CFAP61: variants seen among roughly 807,000 people sequenced by gnomAD.
The protein encoded by CFAP61 is cilia and flagella associated protein 61.
A neutral mutation model predicts 135.6 loss-of-function variants in CFAP61; 107 were observed. The ratio of observed to expected loss-of-function variants is 0.79; its 90% confidence interval spans 0.67 to 0.93. The LOEUF (loss-of-function observed/expected upper bound fraction) is 0.93, where lower values mean the gene tolerates loss of function less well. Ranked by LOEUF, CFAP61 falls within the 40% of genes least tolerant of loss-of-function variation. CFAP61 has a pLI of 0.00. For synonymous variants in CFAP61, 575 were observed against 578.5 expected, an observed-to-expected ratio of 0.99 and a Z score of 0.09; for missense variants, 1,507 against 1,556.2, an observed-to-expected ratio of 0.97 and a Z score of 0.53.
chr20:20,132,997 C>A (rs2050657849), intron 8 of CFAP61, among the ~76,000 whole-genome samples: 1 of 151,976 alleles, frequency 6.6e-6, no homozygotes, highest in South Asian at 2.1e-4. Context: ...ATTTAATGTT[C>A]TTATGGGTTT....
At chr20:20,216,145 G>A (rs1023827667) in intron 17 of CFAP61, among the ~76,000 whole-genome samples, 3 of 152,188 alleles carry the variant, frequency 2.0e-5, no homozygotes, top group African/African-American at 7.2e-5. Flanking sequence ...TACTGTAAAT[G>A]TCAGTGGGTT....
chr20:20,266,888 C>T (rs2052786733), intron 21 of CFAP61, among the ~76,000 whole-genome samples: 1 of 152,164 alleles, frequency 6.6e-6, no homozygotes, highest in South Asian at 2.1e-4. Context: ...AATGAGATTA[C>T]ATGCCATACT....
chr20:20,291,913 C>T (rs993839070), intron 24 of CFAP61, among the ~76,000 whole-genome samples: 1 of 152,198 alleles, frequency 6.6e-6, no homozygotes, highest in African/African-American at 2.4e-5. Context: ...ACTTCCATTC[C>T]CATTTTCTTC....
chr20:20,142,575 T>G (rs1187785307), intron 8 of CFAP61, among the ~76,000 whole-genome samples: 1 of 152,180 alleles, frequency 6.6e-6, no homozygotes, highest in East Asian at 1.9e-4. Flanking sequence ...GCCAGGTCCG[T>G]TGCCCATCTT....
At chr20:20,318,567 C>A (rs953304965) in intron 25 of CFAP61, among the ~76,000 whole-genome samples, 2 of 152,152 alleles carry the variant, frequency 1.3e-5, no homozygotes, top group African/African-American at 4.8e-5. Context: ...GTCCCTGCTT[C>A]CTTCTCTGGG....
chr20:20,070,822 A>G (rs1248571409), intron 2 of CFAP61, 32 bp from the exon 3 acceptor site: 2 of 1,594,474 alleles, frequency 1.3e-6, no homozygotes, highest in Admixed American at 1.7e-5. Flanking sequence ...TTGTAATCTT[A>G]TTCATGTTTG....
At chr20:20,228,651 GT>G in intron 18 of CFAP61, 2 of 281,812 alleles carry the variant, frequency 7.1e-6, no homozygotes, top group Non-Finnish European at 1.4e-5. Flanking sequence ...GGCCATTTTT[GT>G]GCTACAATAG....
intron 22 of CFAP61, among the ~76,000 whole-genome samples, chr20:20,280,675 C>G (rs2054139009): frequency 6.6e-6 from 1 of 152,126 alleles, no homozygotes; most frequent in Non-Finnish European, 1.5e-5. Flanking sequence ...TATTTGCCTG[C>G]TATGCACATT....
intron 20 of CFAP61, among the ~76,000 whole-genome samples, chr20:20,254,829 A>G (rs1458520399): frequency 6.6e-6 from 1 of 152,228 alleles, no homozygotes; most frequent in Non-Finnish European, 1.5e-5. Context: ...CTCACTCTAA[A>G]TTGTTGTGTA....
rs145079369 is a variant in CFAP61, at chr20:20,212,067, T to G, written c.1932+12165T>G. Among the ~76,000 whole-genome samples the G allele has an allele frequency of 2.2e-3, 332 of 152,326 alleles. 2 individuals carry two copies. Among genetic ancestry groups the G allele is most frequent in the Non-Finnish European group, 3.5e-3 (241 of 68,028 alleles). Reference sequence around the variant, plus strand: ...AATTATATATCACAAGTCTTTTGATTTGTTTGCAGACAACATCGATCCCCA... The same window carrying G: ...AATTATATATCACAAGTCTTTTGATGTGTTTGCAGACAACATCGATCCCCA... On this transcript the variant is annotated intron_variant, in intron 17 of 26. Transcript: ENST00000245957.
chr20:20,271,854 G>A (rs916658057), intron 21 of CFAP61, among the ~76,000 whole-genome samples: 11 of 152,248 alleles, frequency 7.2e-5, no homozygotes, highest in African/African-American at 2.4e-4. Context: ...TCATCTGTTA[G>A]GTAAGCTGAT....
chr20:20,109,069 G>A (rs4814939), intron 8 of CFAP61, among the ~76,000 whole-genome samples: 14,795 of 152,086 alleles, frequency 0.097, 1,528 homozygotes, highest in East Asian at 0.6. Flanking sequence ...TTTGTAGAAC[G>A]TAATTTATTT....
intron 15 of CFAP61, among the ~76,000 whole-genome samples, chr20:20,194,761 C>T (rs918118838): frequency 1.3e-5 from 2 of 152,274 alleles, no homozygotes; most frequent in East Asian, 1.9e-4. Flanking sequence ...GAGTACCAGC[C>T]GGCAGGCAGG....
At chr20:20,060,521 CATT>C (rs1457884848) in intron 2 of CFAP61, among the ~76,000 whole-genome samples, 2 of 152,262 alleles carry the variant, frequency 1.3e-5, no homozygotes, top group East Asian at 1.9e-4. Context: ...AGGACAAAAA[CATT>C]ATATAAATTG....
Position 20,210,765 on chromosome 20 carries a change from C to T in CFAP61, c.1932+10863C>T, listed in dbSNP as rs115881051. On this transcript the variant is annotated intron_variant, in intron 17 of 26. Coordinates refer to ENST00000245957, the MANE Select transcript of CFAP61 (RefSeq NM_015585.4). ...ATAGAATAAAGTACAGTGTCATAAGCCTAACTTTCAGGCCTTTTTATTAAA... is the reference window on the plus strand; with the variant it reads ...ATAGAATAAAGTACAGTGTCATAAGTCTAACTTTCAGGCCTTTTTATTAAA... 7.9e-3 allele frequency among the ~76,000 whole-genome samples: 1,196 copies of T among 152,322 alleles called. 23 individuals are homozygous for T. The highest frequency in any genetic ancestry group is 0.027 in the African/African-American group (1,141 of 41,570).
rs2047153457 is a variant in CFAP61 at position 20,090,936 on chromosome 20, T to C, written c.659T>C (p.Ile220Thr). The C allele has an allele frequency of 6.2e-6, 10 of 1,613,972 alleles. No homozygotes were observed. The highest frequency in any genetic ancestry group is 8.5e-6 in the Non-Finnish European group (10 of 1,180,000). ...GGTGAATACTTCCTGGCCGAACTAA[T>C]AGAGGCCCAAGATGAAGAGAATCAT... Reference protein sequence around the residue: ...TYGEYFLAELIEAQDEENHAV... With the variant: ...TYGEYFLAELTEAQDEENHAV... The change falls in exon 7 of 27, where the codon ATA (isoleucine) becomes ACA (threonine). Residue 220 changes from isoleucine to threonine, a missense_variant. Physicochemically the swap from Ile to Thr is moderately conservative, Grantham distance 89. Coordinates refer to ENST00000245957, the MANE Select transcript of CFAP61 (RefSeq NM_015585.4).
intron 9 of CFAP61, among the ~76,000 whole-genome samples, chr20:20,155,362 T>C (rs939235196): frequency 2.0e-5 from 3 of 151,930 alleles, no homozygotes; most frequent in South Asian, 2.1e-4. Flanking sequence ...AGACATTGGC[T>C]TAGGCAAAGA....
chr20:20,315,710 T>C (rs1379622464), intron 25 of CFAP61, among the ~76,000 whole-genome samples: 37 of 152,350 alleles, frequency 2.4e-4, no homozygotes, highest in African/African-American at 8.7e-4. Context: ...GAATTAATGT[T>C]TGTATAAGGT....
Position 20,218,211 on chromosome 20 carries a change from AGGGAGAGGTAATTGAATCATGGGGACT to A in CFAP61, c.1933-10035_1933-10009del, listed in dbSNP as rs376605373. Among the ~76,000 whole-genome samples, 11 of 152,306 alleles carry A rather than the reference AGGGAGAGGTAATTGAATCATGGGGACT, an allele frequency of 7.2e-5. No homozygotes were observed. The East Asian group carries it at 2.1e-3, about 29-fold the overall frequency. ...TTCCCACATCTTGTGGGAGGGACCC[AGGGAGAGGTAATTGAATCATGGGGACT>A]GGTCTTTCCTGTGCTATTCTCGTGG... On this transcript the variant is annotated intron_variant, in intron 17 of 26. Coordinates refer to ENST00000245957, the MANE Select transcript of CFAP61 (RefSeq NM_015585.4).
Sources: gnomAD v4.1 joint callset for allele counts (sites outside exome capture counted in the v4.1 genomes callset) on GRCh38, gnomAD v4.1.1 for gene constraint, MANE v1.5 for transcripts, NCBI Gene and HGNC (gene_info 2026-07-23, HGNC 2026-07-21) for gene names.